CHRM3: variants seen among roughly 807,000 people sequenced by gnomAD.
The protein encoded by CHRM3 is cholinergic receptor muscarinic 3, also known as muscarinic acetylcholine receptor M3.
CHRM3 carries 11 observed loss-of-function variants against 41.8 expected under a neutral mutation model. The ratio of observed to expected loss-of-function variants is 0.26; its 90% CI spans 0.17 to 0.44. CHRM3 has a LOEUF of 0.44. Ranked by LOEUF, CHRM3 falls within the 20% of genes least tolerant of loss-of-function variation. The pLI is 1.00. For synonymous variants in CHRM3, 297 were observed against 301.4 expected, an observed-to-expected ratio of 0.99 and a Z score of 0.15; for missense variants, 571 against 745.4, an observed-to-expected ratio of 0.77 and a Z score of 2.72.
intron 5 of CHRM3, among the ~76,000 whole-genome samples, chr1:239,766,805 G>A (rs567616797): frequency 6.6e-6 from 1 of 152,240 alleles, no homozygotes; most frequent in Non-Finnish European, 1.5e-5. Flanking sequence ...TTCATCTCGT[G>A]GGTTCTAATG....
chr1:239,772,907 A>G (rs148865379), intron 5 of CHRM3, among the ~76,000 whole-genome samples: 126 of 152,114 alleles, frequency 8.3e-4, no homozygotes, highest in Admixed American at 2.3e-3. Flanking sequence ...TCTATTTTTC[A>G]TCTCCACTGT....
At chr1:239,837,866 T>G (rs1445266056) in intron 6 of CHRM3, among the ~76,000 whole-genome samples, 1 of 152,186 alleles carries the variant, frequency 6.6e-6, no homozygotes, top group Non-Finnish European at 1.5e-5. Flanking sequence ...TGCAGCATAG[T>G]AGGCCAAGCT....
chr1:239,581,322 G>T (rs893250737), intron 3 of CHRM3, among the ~76,000 whole-genome samples: 1 of 151,898 alleles, frequency 6.6e-6, no homozygotes, highest in Non-Finnish European at 1.5e-5. Context: ...TCCTTTTTCA[G>T]ATGGGGAAAT....
chr1:239,650,256 T>A (rs1254059699), intron 4 of CHRM3, among the ~76,000 whole-genome samples: 1 of 152,208 alleles, frequency 6.6e-6, no homozygotes, highest in Admixed American at 6.5e-5. Context: ...GAACAATGAA[T>A]GACGATACTG....
At chr1:239,392,722 T>C (rs577979223) in intron 1 of CHRM3, among the ~76,000 whole-genome samples, 1 of 152,324 alleles carries the variant, frequency 6.6e-6, no homozygotes, top group Admixed American at 6.5e-5. Flanking sequence ...TAGGTAGCTA[T>C]GGCTATAGAC....
intron 6 of CHRM3, among the ~76,000 whole-genome samples, chr1:239,895,523 A>G (rs552058423): frequency 6.6e-6 from 1 of 152,104 alleles, no homozygotes; most frequent in South Asian, 2.1e-4. Flanking sequence ...GCATATGTTT[A>G]TTACAGCACT....
intron 4 of CHRM3, among the ~76,000 whole-genome samples, chr1:239,643,370 G>A (rs1244428456): frequency 6.6e-6 from 1 of 152,204 alleles, no homozygotes; most frequent in African/African-American, 2.4e-5. Context: ...TGCCCCCAGA[G>A]GTGGAGCCTA....
chr1:239,653,077 T>C (rs527905420), intron 4 of CHRM3, among the ~76,000 whole-genome samples: 15 of 152,114 alleles, frequency 9.9e-5, no homozygotes, highest in Non-Finnish European at 2.1e-4. Context: ...CAGGTTTTAT[T>C]GAGGAACTAT....
chr1:239,888,013 G>T (rs1193874445), intron 6 of CHRM3, among the ~76,000 whole-genome samples: 2 of 152,134 alleles, frequency 1.3e-5, no homozygotes, highest in African/African-American at 4.8e-5. Flanking sequence ...GCATAGTTGA[G>T]TTGCTTGTTT....
In CHRM3 at chr1:239,883,179, C is replaced by T. The variant is rs574040671; in HGVS notation, c.-19-24254C>T. Among the ~76,000 whole-genome samples the T allele has an allele frequency of 7.9e-5, 12 of 152,292 alleles. No homozygotes were observed. In the East Asian group the frequency reaches 1.5e-3, roughly 20 times the overall value. On this transcript the variant is annotated intron_variant, in intron 6 of 6. Coordinates refer to ENST00000676153, the MANE Select transcript of CHRM3 (RefSeq NM_001375978.1). ...CTGACCCTTGACTCATCATCGTAAACGGTAAAACAACCTGATTTATCAAGA... is the reference window on the plus strand; with the variant it reads ...CTGACCCTTGACTCATCATCGTAAATGGTAAAACAACCTGATTTATCAAGA...
intron 5 of CHRM3, among the ~76,000 whole-genome samples, chr1:239,812,996 G>A (rs1013814664): frequency 2.6e-5 from 4 of 152,076 alleles, no homozygotes; most frequent in African/African-American, 9.7e-5. Context: ...AATACATTTT[G>A]TGGCCAGCCA....
Position 239,565,862 on chromosome 1 carries a change from C to A in CHRM3, c.-313+20113C>A, listed in dbSNP as rs1233950042. Among the ~76,000 whole-genome samples, 4 of 150,686 alleles carry A rather than the reference C, an allele frequency of 2.7e-5. No individual in the cohort carries two copies. In the East Asian group the frequency reaches 7.8e-4, roughly 29 times the overall value. ...TATATGTTAATATATGTTAAAACAC[C>A]ACATGAGAAACATGAGCAAAATGAT... On this transcript the variant is annotated intron_variant, in intron 3 of 6. Coordinates refer to ENST00000676153, the MANE Select transcript of CHRM3 (RefSeq NM_001375978.1).
chr1:239,649,824 G>C (rs1672076814), intron 4 of CHRM3, among the ~76,000 whole-genome samples: 1 of 152,124 alleles, frequency 6.6e-6, no homozygotes, highest in South Asian at 2.1e-4. Context: ...GAAGAGATAA[G>C]GATAATCAGA....
At chr1:239,551,425 G>C (rs1456967704) in intron 3 of CHRM3, among the ~76,000 whole-genome samples, 1 of 151,456 alleles carries the variant, frequency 6.6e-6, no homozygotes, top group African/African-American at 2.4e-5. Flanking sequence ...ACCTCCCAAA[G>C]TGCTGGGATT....
intron 2 of CHRM3, among the ~76,000 whole-genome samples, chr1:239,520,444 G>A (rs1235097806): frequency 2.0e-5 from 3 of 151,964 alleles, no homozygotes; most frequent in African/African-American, 4.8e-5. Context: ...GCTGTTGAAC[G>A]GTGTGGCACC....
chr1:239,845,262 A>G (rs1337376327), intron 6 of CHRM3, among the ~76,000 whole-genome samples: 2 of 152,236 alleles, frequency 1.3e-5, no homozygotes, highest in East Asian at 1.9e-4. Flanking sequence ...GCAAAACAGC[A>G]GCTCATGAGC....
At chr1:239,562,381 C>T (rs1044184585) in intron 3 of CHRM3, among the ~76,000 whole-genome samples, 1 of 152,062 alleles carries the variant, frequency 6.6e-6, no homozygotes, top group Non-Finnish European at 1.5e-5. Flanking sequence ...GGTTATGCAT[C>T]GTGGAGCTAA....
At position 239,874,309 on chromosome 1, in the gene CHRM3, A is replaced by ATATACACAG. The variant is rs1553292013; in HGVS notation, c.-19-33120_-19-33119insCACAGTATA. ...AGTATATATATATATATATATATATATATATATATATATATATACACAGTT... is the reference window on the plus strand; with the variant it reads ...AGTATATATATATATATATATATATATATACACAGTATATATATATATATATACACAGTT... On this transcript the variant is annotated intron_variant, in intron 6 of 6. Transcript: ENST00000676153. Among the ~76,000 whole-genome samples the ATATACACAG allele has an allele frequency of 5.0e-3, 596 of 120,230 alleles. 14 individuals carry two copies. Among genetic ancestry groups the ATATACACAG allele is most frequent in the Non-Finnish European group, 7.4e-3 (445 of 60,346 alleles). 78.9% of individuals were successfully genotyped at this position (120,230 alleles called of 152,430 possible).
chr1:239,533,012 G>T (rs1021467694), intron 2 of CHRM3, among the ~76,000 whole-genome samples: 2 of 151,826 alleles, frequency 1.3e-5, no homozygotes, highest in Non-Finnish European at 2.9e-5. Flanking sequence ...GCGCTCTTCT[G>T]GAAATAATAT....
Sources: allele counts gnomAD v4.1 joint callset (sites outside exome capture counted in the v4.1 genomes callset), GRCh38; gene constraint gnomAD v4.1.1; transcripts MANE v1.5; gene names NCBI Gene and HGNC (gene_info 2026-07-23, HGNC 2026-07-21).